ANKRD29: variants seen among roughly 807,000 people sequenced by gnomAD.
ANKRD29 encodes the protein ankyrin repeat domain 29.
In ANKRD29, 32 loss-of-function variants were observed where a neutral mutation model predicts 38.0. The ratio of observed to expected loss-of-function variants is 0.84; its 90% CI spans 0.64 to 1.13. The LOEUF (loss-of-function observed/expected upper bound fraction) is 1.13. ANKRD29 is among the 50% of genes most tolerant of loss of function. The probability of loss-of-function intolerance (pLI) is 0.00; values close to 1 mark genes in which losing one functional copy is unlikely to be tolerated. For missense variants in ANKRD29, 357 were observed against 377.9 expected (o/e 0.94, Z 0.46); for synonymous variants, 135 against 152.4 (o/e 0.89, Z 0.84).
chr18:23,657,626 T>C (rs956218586), intron 1 of ANKRD29, among the ~76,000 whole-genome samples: 1 of 152,192 alleles, frequency 6.6e-6, no homozygotes, highest in Non-Finnish European at 1.5e-5. Context: ...ACTAATCGAC[T>C]TTCTGTCTCT....
At chr18:23,648,973 C>A (rs766178533) in intron 2 of ANKRD29, 110 bp downstream of exon 2, 2 of 905,092 alleles carry the variant, frequency 2.2e-6, no homozygotes, top group Non-Finnish European at 3.4e-6. Context: ...AGCAAGCAAA[C>A]ACATGAAAAA....
At chr18:23,622,919 A>G (rs1332170447) in intron 6 of ANKRD29, among the ~76,000 whole-genome samples, 2 of 152,290 alleles carry the variant, frequency 1.3e-5, no homozygotes, top group South Asian at 2.1e-4. Context: ...CATCAAATAT[A>G]TCATCTTAAT....
chr18:23,651,183 G>A (rs1482742260), intron 1 of ANKRD29, among the ~76,000 whole-genome samples: 1 of 152,208 alleles, frequency 6.6e-6, no homozygotes, highest in Non-Finnish European at 1.5e-5. Flanking sequence ...ACCTGAATGA[G>A]AGAATGGCAG....
intron 8 of ANKRD29, among the ~76,000 whole-genome samples, chr18:23,612,698 G>A (rs993240462): frequency 6.6e-6 from 1 of 152,192 alleles, no homozygotes; most frequent in African/African-American, 2.4e-5. Flanking sequence ...GGCTTAAGAG[G>A]AAGGGTATGT....
At chr18:23,657,471 A>C (rs897680632) in intron 1 of ANKRD29, among the ~76,000 whole-genome samples, 1 of 152,210 alleles carries the variant, frequency 6.6e-6, no homozygotes, top group Admixed American at 6.5e-5. Flanking sequence ...ATCTACATAC[A>C]TAAAATTCAT....
At chr18:23,603,451 G>A (rs1034661035) in intron 9 of ANKRD29, among the ~76,000 whole-genome samples, 4 of 152,130 alleles carry the variant, frequency 2.6e-5, no homozygotes, top group African/African-American at 9.7e-5. Context: ...TGGCCAATAT[G>A]GCAAAAACCT....
At chr18:23,601,658 C>T (rs1033656673) in intron 9 of ANKRD29, among the ~76,000 whole-genome samples, 24 of 152,122 alleles carry the variant, frequency 1.6e-4, no homozygotes, top group Admixed American at 1.6e-3. Context: ...AATGTTATAC[C>T]TTATATGTAT....
chr18:23,656,159 G>A (rs929216808), intron 1 of ANKRD29, among the ~76,000 whole-genome samples: 12 of 151,574 alleles, frequency 7.9e-5, no homozygotes, highest in Admixed American at 1.3e-4. Context: ...AAGAGATTAG[G>A]AGTTGCCAGT....
intron 9 of ANKRD29, among the ~76,000 whole-genome samples, chr18:23,604,554 T>C (rs1396975970): frequency 2.6e-5 from 4 of 152,030 alleles, no homozygotes; most frequent in Non-Finnish European, 5.9e-5. Context: ...CCTTTTGAGA[T>C]GGAGTCTCAA....
At chr18:23,601,939 CA>C in intron 9 of ANKRD29, among the ~76,000 whole-genome samples, 1 of 152,000 alleles carries the variant, frequency 6.6e-6, no homozygotes, top group African/African-American at 2.4e-5. Flanking sequence ...TTACAGGCAT[CA>C]GCCACCGTGC....
At chr18:23,624,666 A>G (rs2059840092) in intron 6 of ANKRD29, among the ~76,000 whole-genome samples, 1 of 152,068 alleles carries the variant, frequency 6.6e-6, no homozygotes, top group Non-Finnish European at 1.5e-5. Flanking sequence ...CTTGGGGTCA[A>G]TGTATAAAAG....
chr18:23,635,945 G>A (rs2059996972), intron 4 of ANKRD29, among the ~76,000 whole-genome samples: 1 of 152,192 alleles, frequency 6.6e-6, no homozygotes. Context: ...GAGGGAGGCT[G>A]AAGGCTGAAG....
chr18:23,616,514 C>T (rs2059719420), intron 8 of ANKRD29, among the ~76,000 whole-genome samples: 2 of 140,776 alleles, frequency 1.4e-5, no homozygotes, highest in South Asian at 4.7e-4. Context: ...GAAACCCTGT[C>T]TCTGAAAAAA....
chr18:23,634,470 A>G (rs767560478), intron 4 of ANKRD29, among the ~76,000 whole-genome samples: 1 of 151,714 alleles, frequency 6.6e-6, no homozygotes, highest in Admixed American at 6.6e-5. Context: ...TTGTATTTTT[A>G]GAAGAGATGG....
intron 3 of ANKRD29, among the ~76,000 whole-genome samples, chr18:23,645,856 T>C (rs909797089): frequency 3.9e-5 from 6 of 152,030 alleles, no homozygotes; most frequent in Non-Finnish European, 5.9e-5. Context: ...AAAAATATAA[T>C]GATCTATATG....
intron 4 of ANKRD29, among the ~76,000 whole-genome samples, chr18:23,634,377 C>T (rs1206777062): frequency 6.8e-6 from 1 of 147,848 alleles, no homozygotes; most frequent in Non-Finnish European, 1.5e-5. Flanking sequence ...GCAATCTCCG[C>T]CTCCTGGGTT....
At chr18:23,618,316 G>A (rs1307803567) in intron 7 of ANKRD29, among the ~76,000 whole-genome samples, 1 of 152,230 alleles carries the variant, frequency 6.6e-6, no homozygotes, top group East Asian at 1.9e-4. Flanking sequence ...AGGGGCAGAG[G>A]TGATAGATTA....
chr18:23,647,293 G>A (rs2060151639), intron 2 of ANKRD29: 1 of 152,196 alleles, frequency 6.6e-6, no homozygotes, highest in Admixed American at 6.5e-5. Flanking sequence ...TACTGAATGA[G>A]ATAAGTCAGG....
chr18:23,615,427 G>A lies in ANKRD29; in HGVS notation c.723+2305C>T, dbSNP rs147467405. On this transcript the variant is annotated intron_variant, in intron 8 of 9. Transcript: ENST00000592179. ...ATAAATAAAGTTTTATAGGAATTAA[G>A]ATTTTTTTTTTGAGACAGGAGCTTC... is the stretch of plus-strand genomic sequence containing the variant. 5.1e-3 allele frequency among the ~76,000 whole-genome samples: 770 copies of A among 152,150 alleles called. 6 individuals carry two copies. The highest frequency in any genetic ancestry group is 7.3e-3 in the African/African-American group (304 of 41,534).
Sources: allele counts gnomAD v4.1 joint callset (sites outside exome capture counted in the v4.1 genomes callset), GRCh38; gene constraint gnomAD v4.1.1; transcripts MANE v1.5; gene names NCBI Gene and HGNC (gene_info 2026-07-23, HGNC 2026-07-21).